TMOD1: variants seen among roughly 807,000 people sequenced by gnomAD.
The protein encoded by TMOD1 is tropomodulin-1.
TMOD1 carries 17 observed loss-of-function variants against 40.6 expected under a neutral mutation model. That is an observed-to-expected ratio of 0.42 (90% confidence interval 0.29 to 0.63). The LOEUF (loss-of-function observed/expected upper bound fraction) is 0.63. TMOD1 is among the 20% of genes least tolerant of loss of function. The pLI is 0.22. For synonymous variants in TMOD1, 181 were observed against 175.0 expected, an observed-to-expected ratio of 1.03 and a Z score of -0.27; for missense variants, 391 against 447.6, an observed-to-expected ratio of 0.87 and a Z score of 1.14.
chr9:97,547,632 C>T (rs1007673729), intron 3 of TMOD1, among the ~76,000 whole-genome samples: 3 of 152,188 alleles, frequency 2.0e-5, no homozygotes, highest in African/African-American at 4.8e-5. Flanking sequence ...TGTTATTGTC[C>T]TTTGGGTCTC....
intron 8 of TMOD1, among the ~76,000 whole-genome samples, chr9:97,586,302 C>T (rs530067179): frequency 7.9e-5 from 12 of 152,304 alleles, no homozygotes; most frequent in African/African-American, 2.6e-4. Flanking sequence ...GGGGTGCCTC[C>T]CAGTTAGGCT....
At chr9:97,547,838 A>C (rs1367917796) in intron 3 of TMOD1, among the ~76,000 whole-genome samples, 1 of 152,190 alleles carries the variant, frequency 6.6e-6, no homozygotes, top group Non-Finnish European at 1.5e-5. Flanking sequence ...CCCTGAGGGC[A>C]ACCACTTGGG....
chr9:97,545,433 G>C (rs899087979), intron 2 of TMOD1, among the ~76,000 whole-genome samples: 5 of 152,212 alleles, frequency 3.3e-5, no homozygotes, highest in Non-Finnish European at 7.3e-5. Context: ...ACACCTAGAA[G>C]CCTGCTTATG....
intron 7 of TMOD1, among the ~76,000 whole-genome samples, chr9:97,568,427 G>T (rs1266965564): frequency 6.6e-6 from 1 of 152,210 alleles, no homozygotes; most frequent in Non-Finnish European, 1.5e-5. Context: ...ATTTGAGAGG[G>T]TAGGCTACAG....
intron 8 of TMOD1, among the ~76,000 whole-genome samples, chr9:97,578,289 G>A (rs982637848): frequency 7.2e-5 from 11 of 152,110 alleles, no homozygotes; most frequent in African/African-American, 1.9e-4. Flanking sequence ...TCCTGACCTC[G>A]TGATCCGCCC....
intron 2 of TMOD1, among the ~76,000 whole-genome samples, chr9:97,538,354 A>G (rs760000556): frequency 6.6e-6 from 1 of 151,998 alleles, no homozygotes; most frequent in Non-Finnish European, 1.5e-5. Context: ...AAATCTCACA[A>G]CCTGTCTTTG....
intron 9 of TMOD1, among the ~76,000 whole-genome samples, chr9:97,597,762 G>A (rs895416767): frequency 2.0e-5 from 3 of 149,892 alleles, no homozygotes; most frequent in African/African-American, 4.9e-5. Flanking sequence ...ACACAGATCC[G>A]GCCCAGTGGA....
intron 8 of TMOD1, among the ~76,000 whole-genome samples, chr9:97,576,783 G>A (rs1156721930): frequency 1.3e-5 from 2 of 151,952 alleles, no homozygotes; most frequent in African/African-American, 4.8e-5. Flanking sequence ...ACAGGTGCCC[G>A]CCACCACGTC....
intron 8 of TMOD1, among the ~76,000 whole-genome samples, chr9:97,585,204 T>C (rs964491922): frequency 2.0e-5 from 3 of 152,178 alleles, no homozygotes; most frequent in African/African-American, 4.8e-5. Context: ...GGCCTGGTGG[T>C]GACAAAATCT....
Position 97,513,165 on chromosome 9 carries a change from T to C in TMOD1, c.-48-10976T>C, listed in dbSNP as rs1587912341. The C allele has an allele frequency of 6.6e-6, 1 of 152,412 alleles. No individual in the cohort carries two copies. Among genetic ancestry groups the C allele is most frequent in the Admixed American group, 6.5e-5 (1 of 15,304 alleles). 9.4% of individuals were successfully genotyped at this position (152,412 alleles called of 1,614,324 possible). The stretch of plus-strand genomic sequence containing the variant: ...ACCGGAGAGCCCCACATCTTTCTCA[T>C]GGCTGCTCAGCCACGTCCACTCATC... On this transcript the variant is annotated intron_variant, in intron 1 of 9. Coordinates refer to ENST00000259365, the MANE Select transcript of TMOD1 (RefSeq NM_003275.4). This position sits in a 1 kb window ranked among gnomAD's most constrained non-coding sequence, Gnocchi z 4.1.
intron 4 of TMOD1, among the ~76,000 whole-genome samples, chr9:97,556,916 G>A (rs1163388939): frequency 1.3e-5 from 2 of 152,190 alleles, no homozygotes; most frequent in Admixed American, 6.5e-5. Flanking sequence ...TCTGAACGGA[G>A]TGGCCTGGCA....
chr9:97,586,093 G>A (rs1228365393), intron 8 of TMOD1, among the ~76,000 whole-genome samples: 1 of 151,404 alleles, frequency 6.6e-6, no homozygotes, highest in African/African-American at 2.4e-5. Context: ...GCTTTTTAGA[G>A]TTTCCAGTTT....
chr9:97,578,203 G>A (rs2149984), intron 8 of TMOD1, among the ~76,000 whole-genome samples: 32,691 of 151,986 alleles, frequency 0.22, 4,076 homozygotes, highest in African/African-American at 0.34. Context: ...CTACAGGTGC[G>A]CTCCACCATG....
intron 9 of TMOD1, among the ~76,000 whole-genome samples, chr9:97,596,242 C>G (rs1826107331): frequency 6.6e-6 from 1 of 151,946 alleles, no homozygotes; most frequent in African/African-American, 2.4e-5. Flanking sequence ...TTATCTCCTC[C>G]AACATCCTCA....
At chr9:97,582,146 G>A (rs1418220303) in intron 8 of TMOD1, among the ~76,000 whole-genome samples, 1 of 151,816 alleles carries the variant, frequency 6.6e-6, no homozygotes, top group Non-Finnish European at 1.5e-5. Context: ...TAACGTTTAA[G>A]TCTTTAATCC....
At chr9:97,594,955 C>T (rs940979275) in intron 9 of TMOD1, among the ~76,000 whole-genome samples, 4 of 152,230 alleles carry the variant, frequency 2.6e-5, no homozygotes, top group South Asian at 2.1e-4. Flanking sequence ...GTTGGGGTAT[C>T]GTGTGGAGGG....
rs531519764 is a variant in TMOD1 at position 97,595,175 on chromosome 9, GA to G, written c.1015+3745del. Among the ~76,000 whole-genome samples, 38 of 152,260 alleles carry G rather than the reference GA, an allele frequency of 2.5e-4. No individual in the cohort carries two copies. In the East Asian group the frequency reaches 6.0e-3, roughly 24 times the overall value. On this transcript the variant is annotated intron_variant, in intron 9 of 9. Transcript: ENST00000259365. ...TGTTATGATTTATGAATACAATGTGGAAAAATTAAATTAAGTGAATTAGCAT... is the reference window on the plus strand; with the variant it reads ...TGTTATGATTTATGAATACAATGTGGAAAATTAAATTAAGTGAATTAGCAT...
intron 1 of TMOD1, among the ~76,000 whole-genome samples, chr9:97,518,868 T>C (rs1829871054): frequency 1.3e-5 from 2 of 152,196 alleles, no homozygotes; most frequent in African/African-American, 4.8e-5. Context: ...AAAATCCCTT[T>C]GGCCAAAGTG....
chr9:97,568,986 AGAAG>A lies in TMOD1; in HGVS notation c.820_823del (p.Glu274ProfsTer11). ...CTGGAGCTGGGATTCTGCGCCTGGT[AGAAG>A]CCCTCCCATACAACACTTCTCTGGT... On this transcript the variant is annotated frameshift_variant, in exon 8 of 10. Transcript: ENST00000259365. LOFTEE classifies it high-confidence loss of function. 6.2e-7 allele frequency: 1 copy of A among 1,614,196 alleles called. No homozygotes were observed. Among genetic ancestry groups the A allele is most frequent in the Non-Finnish European group, 8.5e-7 (1 of 1,180,026 alleles).
Sources: allele counts gnomAD v4.1 joint callset (sites outside exome capture counted in the v4.1 genomes callset), GRCh38; gene constraint gnomAD v4.1.1; non-coding constraint Gnocchi (gnomAD v3.1); transcripts MANE v1.5; gene names NCBI Gene and HGNC (gene_info 2026-07-23, HGNC 2026-07-21).